Variants in SPRY3 observed in about 807,000 individuals in gnomAD.
SPRY3 encodes protein sprouty homolog 3.
SPRY3 carries 15 observed loss-of-function variants against 20.2 expected under a neutral mutation model. That is an observed-to-expected ratio of 0.74 (90% CI 0.50 to 1.14). SPRY3 has a LOEUF of 1.14. Ranked by LOEUF, SPRY3 falls within the 50% of genes most tolerant of loss-of-function variation. The pLI is 0.00. For synonymous variants in SPRY3, 143 were observed against 136.5 expected (o/e 1.05, Z -0.33); for missense variants, 364 against 363.9 (o/e 1.00, Z 0.00).
intron 1 of SPRY3, among the ~76,000 whole-genome samples, chrX:155,632,975 C>T (rs2067911403): frequency 9.0e-6 from 1 of 111,002 alleles, no homozygotes; most frequent in African/African-American, 3.3e-5. Context: ...CCCTGAGTAG[C>T]AGAGGCCAAC....
intron 2 of SPRY3, among the ~76,000 whole-genome samples, chrX:155,752,324 A>G (rs1388012366): frequency 1.4e-5 from 2 of 145,800 alleles, no homozygotes; most frequent in Non-Finnish European, 3.0e-5. Context: ...AAGAAATACT[A>G]AAAAAAAAAG....
downstream of SPRY3, chrX:155,777,810 T>G (rs886815747): frequency 4.2e-5 from 7 of 166,384 alleles, no homozygotes; most frequent in African/African-American, 1.7e-4. Flanking sequence ...AGCATTTTTT[T>G]GCAGTTAAAT....
At chrX:155,726,792 G>A (rs1244035096) in intron 2 of SPRY3, among the ~76,000 whole-genome samples, 1 of 152,046 alleles carries the variant, frequency 6.6e-6, no homozygotes, top group Non-Finnish European at 1.5e-5. Flanking sequence ...AGTCTGTGTT[G>A]TTTAATTGGG....
chrX:155,661,511 G>GAAGGTCA (rs1319304809), intron 2 of SPRY3, among the ~76,000 whole-genome samples: 1 of 111,539 alleles, frequency 9.0e-6, no homozygotes, highest in African/African-American at 3.3e-5. Flanking sequence ...ATGGCTTGGT[G>GAAGGTCA]AAGGTCATCC....
exon 4 of SPRY3, chrX:155,774,433 C>G: frequency 1.2e-6 from 2 of 1,614,012 alleles, no homozygotes; most frequent in South Asian, 1.1e-5. Context: ...TGGCACTTGT[C>G]TCTGCTGTGT....
intron 2 of SPRY3, among the ~76,000 whole-genome samples, chrX:155,722,079 G>T (rs2091063051): frequency 6.6e-6 from 1 of 152,126 alleles, no homozygotes; most frequent in African/African-American, 2.4e-5. Context: ...ACAAAGTTAA[G>T]GTATAGAGTT....
chrX:155,730,177 G>T (rs2091123962), intron 2 of SPRY3, among the ~76,000 whole-genome samples: 1 of 152,044 alleles, frequency 6.6e-6, no homozygotes, highest in Non-Finnish European at 1.5e-5. Context: ...AATAATTCCA[G>T]ACTCATTCTA....
chrX:155,759,265 C>T, intron 2 of SPRY3, among the ~76,000 whole-genome samples: 1 of 152,136 alleles, frequency 6.6e-6, no homozygotes, highest in South Asian at 2.1e-4. Flanking sequence ...CTCAAGTGAT[C>T]CACCCACCTC....
chrX:155,637,417 A>G (rs918591273), intron 1 of SPRY3, among the ~76,000 whole-genome samples: 8 of 111,193 alleles, frequency 7.2e-5, no homozygotes, highest in Non-Finnish European at 1.3e-4. Flanking sequence ...CCTCCCTGGT[A>G]GTCTTTGCCT....
chrX:155,640,603 T>C (rs1272227839), intron 1 of SPRY3, among the ~76,000 whole-genome samples: 2 of 112,155 alleles, frequency 1.8e-5, no homozygotes, highest in Non-Finnish European at 3.8e-5. Flanking sequence ...TAAATTTCTT[T>C]CATCAGTGTT....
chrX:155,724,182 C>T (rs190059631), intron 2 of SPRY3, among the ~76,000 whole-genome samples: 371 of 152,288 alleles, frequency 2.4e-3, no homozygotes, highest in African/African-American at 8.6e-3. Context: ...GTTTTGGTTA[C>T]TGCAGTCTTG....
intron 2 of SPRY3, among the ~76,000 whole-genome samples, chrX:155,745,754 T>C (rs988395316): frequency 2.0e-5 from 3 of 152,114 alleles, no homozygotes; most frequent in Admixed American, 2.0e-4. Flanking sequence ...CCTTGCATAA[T>C]GCTTGGCATA....
Position 155,774,323 on chromosome X carries a change from G to C in SPRY3, c.452G>C (p.Gly151Ala), listed in dbSNP as rs777446107. The C allele has an allele frequency of 3.1e-6, 5 of 1,614,016 alleles. No homozygotes were observed. The South Asian group carries it at 5.5e-5, about 18-fold the overall frequency. Reference sequence around the variant, plus strand: ...CACCTCTTCATCTGTGAGGAATGTGGGCGCTGCAAGTGCGTCCCCTGCACA... The same window carrying C: ...CACCTCTTCATCTGTGAGGAATGTGCGCGCTGCAAGTGCGTCCCCTGCACA... Residue 151 changes from glycine (G) to alanine (A), a missense_variant, in exon 4 of 4, where the codon GGG becomes GCG. Coordinates refer to ENST00000675360, the Ensembl canonical transcript of SPRY3.
chrX:155,696,209 C>G (rs1487676539), intron 2 of SPRY3, among the ~76,000 whole-genome samples: 1 of 98,689 alleles, frequency 1.0e-5, no homozygotes, highest in African/African-American at 4.0e-5. Context: ...TACATACACA[C>G]ACAACACACA....
At chrX:155,722,416 G>A (rs973568340) in intron 2 of SPRY3, among the ~76,000 whole-genome samples, 1 of 152,098 alleles carries the variant, frequency 6.6e-6, no homozygotes, top group Non-Finnish European at 1.5e-5. Context: ...AGCTACTCAG[G>A]AGGCTGAGGC....
rs750002413 is a variant in SPRY3 at position 155,697,522 on chromosome X, C to CACACATATAT, written c.-282+40498_-282+40499insCACATATATA. On this transcript the variant is annotated intron_variant, in intron 2 of 3. Transcript: ENST00000675360. ...ACATACACACACACACACACACACA[C>CACACATATAT]ATATATATATATATACACATATATA... Among the ~76,000 whole-genome samples the CACACATATAT allele has an allele frequency of 9.7e-3, 964 of 99,288 alleles. 13 individuals carry two copies. Among genetic ancestry groups the CACACATATAT allele is most frequent in the African/African-American group, 0.022 (578 of 25,753 alleles). The allele number at this position is 99,288 out of a possible 115,157, so 86.2% of individuals were successfully genotyped here.
At chrX:155,782,118 G>C (rs1315355476) in exon 2 of SPRY3, 6 of 167,016 alleles carry the variant, frequency 3.6e-5, no homozygotes, top group African/African-American at 1.4e-4. Flanking sequence ...GGTCAAAAAA[G>C]GACGTGTCTT....
chrX:155,758,568 A>G (rs1003653179), intron 2 of SPRY3, among the ~76,000 whole-genome samples: 5 of 152,216 alleles, frequency 3.3e-5, no homozygotes. Context: ...TTTATCTGGC[A>G]CTTCTAAAGA....
chrX:155,777,636 T>TATATATATATGTAA (rs200220897), downstream of SPRY3: 1 of 70,360 alleles, frequency 1.4e-5, no homozygotes, highest in Non-Finnish European at 2.6e-5. Context: ...CTTCTGTGAT[T>TATATATATATGTAA]ATATATATTC....
Sources: allele counts gnomAD v4.1 joint callset (sites outside exome capture counted in the v4.1 genomes callset), GRCh38; gene constraint gnomAD v4.1.1; transcripts MANE v1.5; gene names NCBI Gene and HGNC (gene_info 2026-07-23, HGNC 2026-07-21).